Variants in YAP1 observed in about 807,000 individuals in gnomAD.
YAP1 encodes Yes1 associated transcriptional regulator.
In YAP1, 5 loss-of-function variants were observed where a neutral mutation model predicts 56.9. That is an observed-to-expected ratio of 0.09 (90% CI 0.05 to 0.18). The LOEUF is 0.18. Among genes scored for constraint, YAP1 ranks in the 10% least tolerant of loss-of-function variants. The pLI, the probability that YAP1 is intolerant of heterozygous loss-of-function variation, is 1.00. For synonymous variants in YAP1, 265 were observed against 248.1 expected (o/e 1.07, Z -0.64); for missense variants, 539 against 651.8 (o/e 0.83, Z 1.88).
chr11:102,166,643 G>T (rs1161258164), intron 3 of YAP1, among the ~76,000 whole-genome samples: 2 of 152,210 alleles, frequency 1.3e-5, no homozygotes, highest in Non-Finnish European at 2.9e-5. Context: ...TGTCTTCTGA[G>T]TCTGCTAACC....
At chr11:102,128,373 G>T (rs1233185794) in intron 2 of YAP1, among the ~76,000 whole-genome samples, 2 of 152,072 alleles carry the variant, frequency 1.3e-5, no homozygotes, top group Non-Finnish European at 2.9e-5. Context: ...AGATCTGATG[G>T]GTTTATCAGG....
intron 2 of YAP1, among the ~76,000 whole-genome samples, chr11:102,142,441 T>C (rs1272324381): frequency 2.6e-5 from 4 of 152,250 alleles, no homozygotes; most frequent in Admixed American, 1.3e-4. Flanking sequence ...GATTTTAACT[T>C]GCAGCTGTTT....
Position 102,110,921 on chromosome 11 carries a change from C to A in YAP1, c.73C>A (p.Gln25Lys). ...AGGGCAGCCGCCTTCGCAGCCCCCG[C>A]AGGGGCAGGGCCCGCCGTCCGGACC... ...GQGQPPSQPP[Q>K]GQGPPSGPGQ... Residue 25 changes from glutamine to lysine, a missense_variant, in exon 1 of 9, where the codon CAG becomes AAG. Gln to Lys is a moderately conservative substitution (Grantham distance 53, BLOSUM62 1). This residue lies in a region of YAP1 where 106 missense variants were observed against 86.6 expected (regional missense o/e 1.22). Transcript: ENST00000282441. 1 of 1,439,706 alleles carries A rather than the reference C, an allele frequency of 6.9e-7. No individual in the cohort carries two copies. The highest frequency in any genetic ancestry group is 9.1e-7 in the Non-Finnish European group (1 of 1,098,002). The allele number at this position is 1,439,706 out of a possible 1,614,324, so 89.2% of individuals were successfully genotyped here. A position where few individuals can be genotyped will look rare whatever the true frequency, so the allele number is the denominator to read the frequency against.
chr11:102,166,400 CA>C (rs1946613477), intron 3 of YAP1, among the ~76,000 whole-genome samples: 1 of 152,158 alleles, frequency 6.6e-6, no homozygotes, highest in Non-Finnish European at 1.5e-5. Context: ...CTCATGTTCA[CA>C]TAAAATAGCC....
chr11:102,224,415 T>G (rs1950093488), intron 7 of YAP1, among the ~76,000 whole-genome samples: 1 of 152,212 alleles, frequency 6.6e-6, no homozygotes, highest in Admixed American at 6.5e-5. Context: ...CATTTAAGAT[T>G]AAGATTTAAC....
chr11:102,128,007 C>T lies in YAP1; in HGVS notation c.572+13613C>T, dbSNP rs115610099. Among the ~76,000 whole-genome samples the T allele has an allele frequency of 4.6e-3, 700 of 152,258 alleles. 8 individuals are homozygous for T. The highest frequency in any genetic ancestry group is 0.015 in the African/African-American group (635 of 41,534). On this transcript the variant is annotated intron_variant, in intron 2 of 8. Transcript: ENST00000282441. ...GCTGTATTTACCCAGTACCTGTACCCGCATTGTATCTAGGAAGTAACTAGC... is the reference window on the plus strand; with the variant it reads ...GCTGTATTTACCCAGTACCTGTACCTGCATTGTATCTAGGAAGTAACTAGC...
At chr11:102,129,795 CTTTTTTTTTTTTTT>C (rs773044206) in intron 2 of YAP1, among the ~76,000 whole-genome samples, 1 of 102,088 alleles carries the variant, frequency 9.8e-6, no homozygotes. Flanking sequence ...GGAAGCAAAA[CTTTTTTTTTTTTTT>C]TTTTTTTCGA....
chr11:102,145,577 A>G (rs1945278750), intron 2 of YAP1, among the ~76,000 whole-genome samples: 1 of 152,212 alleles, frequency 6.6e-6, no homozygotes, highest in Non-Finnish European at 1.5e-5. Context: ...CTTAAGTTCT[A>G]TAAATTATAA....
chr11:102,183,646 C>T (rs1385635934), intron 3 of YAP1, among the ~76,000 whole-genome samples: 1 of 150,880 alleles, frequency 6.6e-6, no homozygotes, highest in Non-Finnish European at 1.5e-5. Flanking sequence ...GGTTTGTATC[C>T]TAGGTATCTC....
At chr11:102,225,658 T>C (rs1950160823) in intron 7 of YAP1, among the ~76,000 whole-genome samples, 1 of 152,198 alleles carries the variant, frequency 6.6e-6, no homozygotes, top group African/African-American at 2.4e-5. Flanking sequence ...CCCTCAAAGC[T>C]CACTCAGATG....
At chr11:102,122,832 T>G (rs1943745896) in intron 2 of YAP1, among the ~76,000 whole-genome samples, 1 of 138,274 alleles carries the variant, frequency 7.2e-6, no homozygotes, top group South Asian at 2.2e-4. Context: ...AGGTGGAGGT[T>G]GCAGCAGTGA....
At chr11:102,210,019 A>G (rs1040799831) in intron 6 of YAP1, among the ~76,000 whole-genome samples, 1 of 152,238 alleles carries the variant, frequency 6.6e-6, no homozygotes, top group African/African-American at 2.4e-5. Context: ...TTTCTAGTGG[A>G]CATTCCAAAG....
chr11:102,116,383 A>C (rs73577849), intron 2 of YAP1, among the ~76,000 whole-genome samples: 1 of 152,190 alleles, frequency 6.6e-6, no homozygotes, highest in Non-Finnish European at 1.5e-5. Flanking sequence ...ATTTTAGTAC[A>C]TGTAGGAGGT....
intron 2 of YAP1, among the ~76,000 whole-genome samples, chr11:102,149,238 G>A (rs1197330019): frequency 6.6e-6 from 1 of 152,200 alleles, no homozygotes; most frequent in Non-Finnish European, 1.5e-5. Context: ...ACCAGCCATT[G>A]GAGTCAATCT....
chr11:102,110,988 C>T lies in YAP1; in HGVS notation c.140C>T (p.Ala47Val), dbSNP rs755623151. The T allele has an allele frequency of 6.5e-7, 1 of 1,549,994 alleles. No individual in the cohort carries two copies. Residue 47 changes from alanine (A) to valine (V), a missense_variant, in exon 1 of 9, where the codon GCA (alanine) becomes GTA (valine). Around this residue, in one of 4 missense-constraint regions of YAP1, gnomAD observed 106 missense variants for 86.6 expected, o/e 1.22. Coordinates refer to ENST00000282441, the MANE Select transcript of YAP1 (RefSeq NM_001130145.3). The stretch of plus-strand genomic sequence containing the variant: ...GCGGCGACCCAGGCGGCGCCGCAGG[C>T]ACCCCCCGCCGGGCATCAGATCGTG... ...APAATQAAPQAPPAGHQIVHV... is the reference protein window; with the variant it reads ...APAATQAAPQVPPAGHQIVHV...
intron 4 of YAP1, among the ~76,000 whole-genome samples, 195 bp from the exon 5 acceptor site, chr11:102,205,697 TC>T (rs776289875): frequency 6.6e-6 from 1 of 152,182 alleles, no homozygotes; most frequent in Non-Finnish European, 1.5e-5. Context: ...TCTTATGACT[TC>T]CTTGTATCTT....
intron 1 of YAP1, 113 bp downstream of exon 1, chr11:102,111,282 T>A: frequency 7.7e-7 from 1 of 1,292,854 alleles, no homozygotes; most frequent in African/African-American, 1.6e-5. Context: ...GCGGGAACTC[T>A]AGCTGGGGTG....
At chr11:102,154,946 T>A (rs998792721) in intron 2 of YAP1, among the ~76,000 whole-genome samples, 1 of 152,188 alleles carries the variant, frequency 6.6e-6, no homozygotes, top group Non-Finnish European at 1.5e-5. Context: ...TTATTTACTT[T>A]AAAACTGGTT....
chr11:102,224,174 A>G (rs1044368358), intron 7 of YAP1, among the ~76,000 whole-genome samples: 2 of 152,228 alleles, frequency 1.3e-5, no homozygotes, highest in East Asian at 3.8e-4. Context: ...ACCCAGCAGC[A>G]CTGTAAGGCC....
Sources: gnomAD v4.1 joint callset for allele counts (sites outside exome capture counted in the v4.1 genomes callset) on GRCh38, gnomAD v4.1.1 for gene constraint, gnomAD v4.1.1 regional missense constraint, MANE v1.5 for transcripts, NCBI Gene and HGNC (gene_info 2026-07-23, HGNC 2026-07-21) for gene names.